Variants in AATF observed in about 807,000 individuals in gnomAD.
AATF encodes protein AATF.
Under a neutral mutation model 63.7 loss-of-function variants are expected in AATF, and 48 were observed. The observed-to-expected ratio is 0.75, with a 90% CI of 0.60 to 0.96. The LOEUF is 0.96. Among genes scored for constraint, AATF ranks in the 40% least tolerant of loss-of-function variants. The pLI, the probability that AATF is intolerant of heterozygous loss-of-function variation, is 0.00. For synonymous variants in AATF, 258 were observed against 247.7 expected (o/e 1.04, Z -0.39); for missense variants, 639 against 685.7 (o/e 0.93, Z 0.76).
intron 10 of AATF, among the ~76,000 whole-genome samples, chr17:37,026,218 G>C (rs2071509975): frequency 1.3e-5 from 2 of 152,206 alleles, no homozygotes; most frequent in Admixed American, 1.3e-4. Flanking sequence ...GATTGCAGGA[G>C]ACTAAGGAGA....
chr17:36,963,917 C>T (rs2070968903), intron 4 of AATF, among the ~76,000 whole-genome samples: 1 of 152,094 alleles, frequency 6.6e-6, no homozygotes, highest in African/African-American at 2.4e-5. Flanking sequence ...TGGCTCACGC[C>T]TGTAACCCTA....
At chr17:37,004,267 G>A (rs2071324803) in intron 8 of AATF, among the ~76,000 whole-genome samples, 1 of 152,142 alleles carries the variant, frequency 6.6e-6, no homozygotes, top group Admixed American at 6.5e-5. Context: ...GGAGGCGGAG[G>A]TTGCAGTGAG....
intron 4 of AATF, among the ~76,000 whole-genome samples, chr17:36,984,782 G>T (rs186086079): frequency 6.6e-6 from 1 of 151,650 alleles, no homozygotes; most frequent in Non-Finnish European, 1.5e-5. Flanking sequence ...ACTATAGTGC[G>T]CACCATCAAA....
intron 8 of AATF, among the ~76,000 whole-genome samples, chr17:37,016,732 G>A (rs1361413104): frequency 6.7e-6 from 1 of 149,544 alleles, no homozygotes; most frequent in Non-Finnish European, 1.5e-5. Context: ...TTTAGCAACT[G>A]TTTTGAAAGC....
chr17:37,007,174 A>G (rs1335085823), intron 8 of AATF, among the ~76,000 whole-genome samples: 1 of 151,992 alleles, frequency 6.6e-6, no homozygotes, highest in East Asian at 1.9e-4. Context: ...ACTGCTTGCT[A>G]CTTGACTCTT....
rs1181601546 is a variant in AATF at position 36,995,221 on chromosome 17, A to T, written c.1398+4364A>T. Among the ~76,000 whole-genome samples the T allele has an allele frequency of 5.3e-5, 8 of 152,314 alleles. No individual in the cohort carries two copies. The East Asian group carries it at 1.3e-3, about 26-fold the overall frequency. ...AATAGGTTTTGCTCTTTTGATGACC[A>T]CTTTGACGGGTTAAATTTCTTCTTT... On this transcript the variant is annotated intron_variant, in intron 8 of 11. Coordinates refer to ENST00000619387, the MANE Select transcript of AATF (RefSeq NM_012138.4).
intron 10 of AATF, among the ~76,000 whole-genome samples, chr17:37,026,635 A>T (rs2071513109): frequency 6.6e-6 from 1 of 152,252 alleles, no homozygotes; most frequent in Non-Finnish European, 1.5e-5. Context: ...ACAATTTTAT[A>T]GGGTGGTTAT....
chr17:36,967,317 T>C (rs1376225835), intron 4 of AATF, among the ~76,000 whole-genome samples: 1 of 152,242 alleles, frequency 6.6e-6, no homozygotes, highest in Non-Finnish European at 1.5e-5. Flanking sequence ...CTGAGCCATG[T>C]AATAAATACA....
At chr17:36,960,139 G>T (rs1212523603) in intron 4 of AATF, among the ~76,000 whole-genome samples, 1 of 152,016 alleles carries the variant, frequency 6.6e-6, no homozygotes, top group East Asian at 1.9e-4. Context: ...TCAGCCTCCG[G>T]AGTAGCAGGG....
chr17:36,975,731 G>A (rs2071075117), intron 4 of AATF, among the ~76,000 whole-genome samples: 1 of 152,196 alleles, frequency 6.6e-6, no homozygotes, highest in South Asian at 2.1e-4. Context: ...GATACGTTTT[G>A]CCAGATTGCT....
chr17:37,021,991 C>T (rs1478906667), intron 10 of AATF, among the ~76,000 whole-genome samples: 1 of 151,934 alleles, frequency 6.6e-6, no homozygotes, highest in Non-Finnish European at 1.5e-5. Context: ...GAAAATAGAG[C>T]AATTTCTGAC....
intron 8 of AATF, among the ~76,000 whole-genome samples, chr17:37,015,401 C>T (rs1304633134): frequency 6.6e-6 from 1 of 152,154 alleles, no homozygotes; most frequent in East Asian, 1.9e-4. Context: ...AAGAAGGTGG[C>T]AGTTTCTGTT....
chr17:37,013,865 ACTCCACATGC>A (rs1226139850), intron 8 of AATF, among the ~76,000 whole-genome samples: 3 of 151,926 alleles, frequency 2.0e-5, no homozygotes, highest in Admixed American at 6.6e-5. Context: ...TTCCCTATAT[ACTCCACATGC>A]CTTGAATATA....
At position 36,953,203 on chromosome 17, in the gene AATF, A is replaced by G; in HGVS notation, c.601A>G (p.Arg201Gly). 1.2e-6 allele frequency: 2 copies of G among 1,614,232 alleles called. No individual in the cohort carries two copies. Among genetic ancestry groups the G allele is most frequent in the South Asian group, 1.1e-5 (1 of 91,088 alleles). ...GAGTGAGGAAGACAGGGCTGGAGAT[A>G]GAAACAGTGAGGATGATGGTGTGGT... ...GESEEDRAGD[R>G]NSEDDGVVMT... Residue 201 changes from arginine to glycine, a missense_variant, in exon 3 of 12, where the codon AGA becomes GGA. Physicochemically the swap from Arg to Gly is moderately radical, Grantham distance 125. Transcript: ENST00000619387.
intron 2 of AATF, among the ~76,000 whole-genome samples, chr17:36,950,814 T>A (rs2070849202): frequency 6.6e-6 from 1 of 152,210 alleles, no homozygotes; most frequent in African/African-American, 2.4e-5. Flanking sequence ...CCAGAGTGAT[T>A]AAGTTGCTAT....
intron 9 of AATF, 61 bp from the exon 10 acceptor site, chr17:37,020,873 G>C (rs2071463865): frequency 4.5e-6 from 6 of 1,326,742 alleles, no homozygotes; most frequent in Non-Finnish European, 6.3e-6. Flanking sequence ...ATTCCAATTT[G>C]TCAATATGTA....
intron 10 of AATF, among the ~76,000 whole-genome samples, chr17:37,025,125 G>A (rs1298449513): frequency 6.6e-6 from 1 of 152,058 alleles, no homozygotes; most frequent in African/African-American, 2.4e-5. Context: ...TGAGAAGGTT[G>A]GAATGACTCC....
At chr17:36,969,865 G>A (rs1391059458) in intron 4 of AATF, among the ~76,000 whole-genome samples, 1 of 152,058 alleles carries the variant, frequency 6.6e-6, no homozygotes, top group Non-Finnish European at 1.5e-5. Context: ...CTATGGGTTA[G>A]TTTGCATTTT....
chr17:37,031,514 C>A (rs895238339), intron 10 of AATF, 100 bp from the exon 11 acceptor site: 12 of 977,352 alleles, frequency 1.2e-5, no homozygotes, highest in Non-Finnish European at 2.0e-5. Context: ...CCCAGATGTT[C>A]CAGTGATCAG....
Sources: gnomAD v4.1 joint callset for allele counts (sites outside exome capture counted in the v4.1 genomes callset) on GRCh38, gnomAD v4.1.1 for gene constraint, MANE v1.5 for transcripts, NCBI Gene and HGNC (gene_info 2026-07-23, HGNC 2026-07-21) for gene names.